The following PPM1K variants were observed in gnomAD, a reference collection of about 807,000 sequenced individuals.
The protein encoded by PPM1K is protein phosphatase, Mg2+/Mn2+ dependent 1K.
A neutral mutation model predicts 32.6 loss-of-function variants in PPM1K; 19 were observed. The ratio of observed to expected loss-of-function variants is 0.58; its 90% CI spans 0.41 to 0.86. PPM1K has a LOEUF of 0.86. Ranked by LOEUF, PPM1K falls within the 40% of genes least tolerant of loss-of-function variation. The pLI is 0.00. For missense variants in PPM1K, 362 were observed against 461.2 expected (o/e 0.78, Z 1.97); for synonymous variants, 159 against 165.3 (o/e 0.96, Z 0.29).
chr4:88,284,163 G>C (rs1233091796), intron 1 of PPM1K: 2 of 150,398 alleles, frequency 1.3e-5, no homozygotes, highest in African/African-American at 2.4e-5. Context: ...AGGCAGCCCA[G>C]CTGGGCCCCG....
Position 88,278,262 on chromosome 4 carries a change from C to T in PPM1K, c.322G>A (p.Glu108Lys), listed in dbSNP as rs1379933874. The T allele has an allele frequency of 3.7e-6, 6 of 1,614,220 alleles. No homozygotes were observed. The highest frequency in any genetic ancestry group is 5.1e-6 in the Non-Finnish European group (6 of 1,180,038). The change falls in exon 2 of 7, where the codon GAA becomes AAA. Residue 108 changes from glutamate to lysine, a missense_variant. Glu to Lys is a moderately conservative substitution (Grantham distance 56). Transcript: ENST00000608933. This position sits in a 1 kb window ranked among gnomAD's most constrained non-coding sequence, Gnocchi z 4.2. ...ASQIGKRKEN[E>K]DRFDFAQLTD... Reference sequence around the variant, plus strand: ...AGCTGAGCGAAGTCAAACCGATCTTCATTCTCTTTCCGTTTGCCAATCTGT... The same window carrying T: ...AGCTGAGCGAAGTCAAACCGATCTTTATTCTCTTTCCGTTTGCCAATCTGT...
rs559446254 is a variant in PPM1K at position 88,263,838 on chromosome 4, T to C, written c.988-1112A>G. Among the ~76,000 whole-genome samples the C allele has an allele frequency of 2.0e-5, 3 of 152,296 alleles. No individual in the cohort carries two copies. The South Asian group carries it at 6.2e-4, about 32-fold the overall frequency. The stretch of plus-strand genomic sequence containing the variant: ...CATGCATGCCACCACACCTGGATAC[T>C]ATTCCTAAGAATGAAACCTATTTCC... On this transcript the variant is annotated intron_variant, in intron 6 of 6. Coordinates refer to ENST00000608933, the MANE Select transcript of PPM1K (RefSeq NM_152542.5).
At position 88,278,034 on chromosome 4, in the gene PPM1K, T is replaced by C. The variant is rs1313117230; in HGVS notation, c.440+110A>G. 8 of 821,994 alleles carry C rather than the reference T, an allele frequency of 9.7e-6. No individual in the cohort carries two copies. The highest frequency in any genetic ancestry group is 1.7e-5 in the African/African-American group (1 of 58,110). The allele number at this position is 821,994 out of a possible 1,614,324, so 50.9% of individuals were successfully genotyped here. A position where few individuals can be genotyped will look rare whatever the true frequency, so the allele number is the denominator to read the frequency against. On this transcript the variant is annotated intron_variant, in intron 2 of 6. Coordinates refer to ENST00000608933, the MANE Select transcript of PPM1K (RefSeq NM_152542.5). This position sits in a 1 kb window ranked among gnomAD's most constrained non-coding sequence, Gnocchi z 4.2. ...ACTGCTCATTCGTGAAGCAGCAGCATGCAACCACTCAAGTAACTATGTTTA... is the reference window on the plus strand; with the variant it reads ...ACTGCTCATTCGTGAAGCAGCAGCACGCAACCACTCAAGTAACTATGTTTA...
intron 1 of PPM1K, among the ~76,000 whole-genome samples, chr4:88,280,623 C>T (rs1353070649): frequency 6.6e-6 from 1 of 152,110 alleles, no homozygotes; most frequent in Non-Finnish European, 1.5e-5. Context: ...ATTAGTCAGG[C>T]GTGGTTCCGC....
rs1408287486 is a variant in PPM1K, at chr4:88,266,804, G to C, written c.852+1386C>G. Among the ~76,000 whole-genome samples the C allele has an allele frequency of 3.4e-5, 5 of 148,882 alleles. No individual in the cohort carries two copies. In the East Asian group the frequency reaches 1.0e-3, roughly 30 times the overall value. On this transcript the variant is annotated intron_variant, in intron 5 of 6. Transcript: ENST00000608933. Reference sequence around the variant, plus strand: ...GGTGCAGGTGATGCTGGATGACTGGGTGCAGGTGATGCTAGATGACTGGGT... The same window carrying C: ...GGTGCAGGTGATGCTGGATGACTGGCTGCAGGTGATGCTAGATGACTGGGT...
intron 3 of PPM1K, chr4:88,276,240 G>A: frequency 1.0e-6 from 1 of 985,362 alleles, no homozygotes; most frequent in Non-Finnish European, 1.2e-6. Context: ...ACTGAAGACT[G>A]TGCAAATGAC....
Position 88,270,143 on chromosome 4 carries a change from CT to C in PPM1K, c.542-1238del, listed in dbSNP as rs540364094. Among the ~76,000 whole-genome samples the C allele has an allele frequency of 4.3e-3, 648 of 151,446 alleles. 1 individual carries two copies. Among genetic ancestry groups the C allele is most frequent in the Non-Finnish European group, 6.4e-3 (433 of 67,820 alleles). The stretch of plus-strand genomic sequence containing the variant: ...CTGATTAAGACTCAATCTTTCCAAG[CT>C]TTTTTTTTCTCCCCAAAAAGATAAT... On this transcript the variant is annotated intron_variant, in intron 3 of 6. Coordinates refer to ENST00000608933, the MANE Select transcript of PPM1K (RefSeq NM_152542.5).
rs1731153535 is a variant in PPM1K, at chr4:88,262,460, A to G, written c.*135T>C. 1.1e-6 allele frequency: 1 copy of G among 890,504 alleles called. No homozygotes were observed. The highest frequency in any genetic ancestry group is 1.7e-5 in the African/African-American group (1 of 59,008). The allele number at this position is 890,504 out of a possible 1,614,324, so 55.2% of individuals were successfully genotyped here. On this transcript the variant is annotated 3_prime_UTR_variant, in exon 7 of 7. Transcript: ENST00000608933. The stretch of plus-strand genomic sequence containing the variant: ...ACATAAATATGATGAGCATTTATGA[A>G]AAAACTACTATCTAAGTGGTTTACA...
chr4:88,265,207 T>G, intron 5 of PPM1K, 72 bp from the exon 6 acceptor site: 4 of 1,561,084 alleles, frequency 2.6e-6, no homozygotes, highest in Non-Finnish European at 3.5e-6. Flanking sequence ...AATTCAAAGA[T>G]TTTACCTGTT....
intron 1 of PPM1K, among the ~76,000 whole-genome samples, chr4:88,283,284 G>T (rs1015192082): frequency 5.9e-5 from 9 of 152,148 alleles, no homozygotes; most frequent in African/African-American, 2.2e-4. Flanking sequence ...GGTAATTTTT[G>T]TATGTTTTGT....
At chr4:88,270,166 T>C (rs1413227040) in intron 3 of PPM1K, among the ~76,000 whole-genome samples, 46 of 152,194 alleles carry the variant, frequency 3.0e-4, no homozygotes, top group Non-Finnish European at 7.4e-5. Flanking sequence ...CCCAAAAAGA[T>C]AATTTTGAAA....
intron 6 of PPM1K, among the ~76,000 whole-genome samples, chr4:88,264,799 T>C (rs1731243106): frequency 6.6e-6 from 1 of 152,198 alleles, no homozygotes; most frequent in South Asian, 2.1e-4. Flanking sequence ...CATTTCAAGG[T>C]ATATACAAAG....
At chr4:88,269,092 T>C (rs1731452819) in intron 3 of PPM1K, among the ~76,000 whole-genome samples, 186 bp from the exon 4 acceptor site, 1 of 152,222 alleles carries the variant, frequency 6.6e-6, no homozygotes, top group African/African-American at 2.4e-5. Flanking sequence ...GAGAAACAAG[T>C]ATTTAATTCA....
intron 3 of PPM1K, among the ~76,000 whole-genome samples, chr4:88,272,240 CT>C (rs771499846): frequency 2.0e-5 from 3 of 151,614 alleles, no homozygotes; most frequent in South Asian, 2.1e-4. Flanking sequence ...TCAATGCTCT[CT>C]TTTTTTTTCT....
In PPM1K at chr4:88,278,763, A is replaced by C; in HGVS notation, c.-59-121T>G. On this transcript the variant is annotated intron_variant, in intron 1 of 6. Coordinates refer to ENST00000608933, the MANE Select transcript of PPM1K (RefSeq NM_152542.5). This position sits in a 1 kb window ranked among gnomAD's most constrained non-coding sequence, Gnocchi z 4.2. The stretch of plus-strand genomic sequence containing the variant: ...TTGAATATAACTGATATGTCATCAA[A>C]TATTACCAAAAATGAAGCTCATAAA... The C allele has an allele frequency of 1.7e-6, 1 of 571,476 alleles. No homozygotes were observed. Among genetic ancestry groups the C allele is most frequent in the Non-Finnish European group, 3.1e-6 (1 of 325,762 alleles). 35.4% of individuals were successfully genotyped at this position (571,476 alleles called of 1,614,324 possible).
intron 2 of PPM1K, 157 bp from the exon 3 acceptor site, chr4:88,277,400 C>A (rs1731823003): frequency 1.7e-6 from 1 of 597,750 alleles, no homozygotes; most frequent in Non-Finnish European, 3.0e-6. Flanking sequence ...TATTGAGAAT[C>A]CACAAAGTAT....
intron 6 of PPM1K, among the ~76,000 whole-genome samples, chr4:88,264,477 T>C (rs1180103212): frequency 6.6e-6 from 1 of 152,216 alleles, no homozygotes; most frequent in East Asian, 1.9e-4. Flanking sequence ...GATATTTGCT[T>C]GGAGCACTCT....
At chr4:88,268,408 G>A (rs1270660386) in intron 4 of PPM1K, 74 bp from the exon 5 acceptor site, 57 of 1,536,776 alleles carry the variant, frequency 3.7e-5, no homozygotes, top group Non-Finnish European at 5.0e-5. Flanking sequence ...AGATCACGAG[G>A]TCAGGAGATC....
At chr4:88,275,657 G>A in intron 3 of PPM1K, 1 of 985,232 alleles carries the variant, frequency 1.0e-6, no homozygotes, top group South Asian at 4.7e-5. Flanking sequence ...GAACAGCTGG[G>A]GCACACCACC....
Sources: gnomAD v4.1 joint callset for allele counts (sites outside exome capture counted in the v4.1 genomes callset) on GRCh38, gnomAD v4.1.1 for gene constraint, Gnocchi (gnomAD v3.1) non-coding constraint, MANE v1.5 for transcripts, NCBI Gene and HGNC (gene_info 2026-07-23, HGNC 2026-07-21) for gene names.